The following DPP10 variants were observed in gnomAD, a reference collection of about 807,000 sequenced individuals.
DPP10 encodes the protein inactive dipeptidyl peptidase 10.
A neutral mutation model predicts 120.9 loss-of-function variants in DPP10; 33 were observed. The ratio of observed to expected loss-of-function variants is 0.27; its 90% CI spans 0.21 to 0.37. The LOEUF (loss-of-function observed/expected upper bound fraction) is 0.37, where lower values mean the gene tolerates loss of function less well. DPP10 is among the 10% of genes least tolerant of loss of function. The pLI is 1.00. For missense variants in DPP10, 816 were observed against 942.8 expected, an observed-to-expected ratio of 0.87 and a Z score of 1.76; for synonymous variants, 337 against 326.1, an observed-to-expected ratio of 1.03 and a Z score of -0.36.
At chr2:114,686,259 C>T in intron 1 of DPP10, among the ~76,000 whole-genome samples, 1 of 151,872 alleles carries the variant, frequency 6.6e-6, no homozygotes, top group African/African-American at 2.4e-5. Context: ...ATTTTTGTAT[C>T]TGTTTTTCAG....
intron 21 of DPP10, among the ~76,000 whole-genome samples, chr2:115,821,198 A>G (rs1455059817): frequency 2.6e-5 from 4 of 152,200 alleles, no homozygotes; most frequent in African/African-American, 9.6e-5. Context: ...AGGAAGGTGC[A>G]TTAAAGTATC....
chr2:115,437,100 G>A (rs142135545), intron 3 of DPP10, among the ~76,000 whole-genome samples: 2 of 152,026 alleles, frequency 1.3e-5, no homozygotes, highest in Non-Finnish European at 2.9e-5. Context: ...GCATTTTAGA[G>A]TCGTAAGAGA....
At chr2:115,279,489 A>C (rs1291123709) in intron 1 of DPP10, among the ~76,000 whole-genome samples, 1 of 152,038 alleles carries the variant, frequency 6.6e-6, no homozygotes, top group Non-Finnish European at 1.5e-5. Flanking sequence ...TCCAGAATGC[A>C]GTTCAGTTGA....
intron 1 of DPP10, among the ~76,000 whole-genome samples, chr2:115,172,817 A>T (rs762663470): frequency 4.6e-5 from 7 of 152,212 alleles, no homozygotes; most frequent in Non-Finnish European, 7.3e-5. Flanking sequence ...ACTATGTTGG[A>T]TGTTGAAGTT....
chr2:114,941,891 G>A (rs1439957390), intron 1 of DPP10, among the ~76,000 whole-genome samples: 1 of 152,028 alleles, frequency 6.6e-6, no homozygotes, highest in Non-Finnish European at 1.5e-5. Context: ...TATTCAGAAA[G>A]GCTTTGGGAA....
chr2:115,003,339 CAA>C (rs1054933626), intron 1 of DPP10, among the ~76,000 whole-genome samples: 18 of 151,790 alleles, frequency 1.2e-4, no homozygotes, highest in African/African-American at 4.1e-4. Context: ...AAGAGGGGAA[CAA>C]AAGAGTCTGG....
chr2:114,862,927 A>G (rs911059519), intron 1 of DPP10, among the ~76,000 whole-genome samples: 1 of 131,546 alleles, frequency 7.6e-6, no homozygotes, highest in Admixed American at 7.5e-5. Flanking sequence ...CTCTTCTTTT[A>G]TTTTATGGAT....
chr2:115,331,586 A>G (rs1359725446), intron 2 of DPP10, among the ~76,000 whole-genome samples: 1 of 152,104 alleles, frequency 6.6e-6, no homozygotes, highest in Non-Finnish European at 1.5e-5. Flanking sequence ...TATTATTTTG[A>G]GATATGTCCC....
At chr2:114,789,157 G>A (rs1237830040) in intron 1 of DPP10, among the ~76,000 whole-genome samples, 1 of 90,876 alleles carries the variant, frequency 1.1e-5, no homozygotes, top group Non-Finnish European at 2.3e-5. Flanking sequence ...TCTGGGTTAA[G>A]CGCCATCACT....
At chr2:114,619,702 G>A (rs1486273363) in intron 1 of DPP10, among the ~76,000 whole-genome samples, 2 of 151,902 alleles carry the variant, frequency 1.3e-5, no homozygotes, top group Non-Finnish European at 2.9e-5. Context: ...GCCAGGTAGG[G>A]CTCTATTCCA....
chr2:115,193,517 T>C (rs545289626), intron 1 of DPP10, among the ~76,000 whole-genome samples: 1 of 152,346 alleles, frequency 6.6e-6, no homozygotes, highest in South Asian at 2.1e-4. Context: ...CCATGGACAA[T>C]AGCTGTTCCT....
chr2:115,241,542 A>G (rs2058281554), intron 1 of DPP10, among the ~76,000 whole-genome samples: 1 of 152,130 alleles, frequency 6.6e-6, no homozygotes, highest in African/African-American at 2.4e-5. Flanking sequence ...ATTCACAATA[A>G]ATCAGTAATA....
At chr2:115,300,133 C>T (rs924437841) in intron 1 of DPP10, among the ~76,000 whole-genome samples, 6 of 151,960 alleles carry the variant, frequency 3.9e-5, no homozygotes, top group East Asian at 1.9e-4. Flanking sequence ...AGTACATTTG[C>T]GTTGCTGTGC....
At chr2:114,878,442 A>G (rs1393222380) in intron 1 of DPP10, among the ~76,000 whole-genome samples, 2 of 152,144 alleles carry the variant, frequency 1.3e-5, no homozygotes, top group East Asian at 3.9e-4. Context: ...AATTTCAAGT[A>G]GTCTCTTCTA....
At chr2:114,591,706 C>T (rs1039641715) in intron 1 of DPP10, among the ~76,000 whole-genome samples, 7 of 151,944 alleles carry the variant, frequency 4.6e-5, no homozygotes, top group Non-Finnish European at 8.8e-5. Flanking sequence ...AGGTGTGTGC[C>T]AACACGTCTG....
intron 5 of DPP10, among the ~76,000 whole-genome samples, chr2:115,537,211 T>C (rs939795047): frequency 6.6e-6 from 1 of 152,086 alleles, no homozygotes; most frequent in Non-Finnish European, 1.5e-5. Flanking sequence ...TATACTTGTA[T>C]TAAGATTATG....
At chr2:115,227,003 A>T (rs376117114) in intron 1 of DPP10, among the ~76,000 whole-genome samples, 1 of 152,162 alleles carries the variant, frequency 6.6e-6, no homozygotes, top group African/African-American at 2.4e-5. Flanking sequence ...CATCAAACAA[A>T]TCTCATTTTT....
chr2:114,623,610 G>T (rs1694267720), intron 1 of DPP10, among the ~76,000 whole-genome samples: 1 of 152,014 alleles, frequency 6.6e-6, no homozygotes, highest in South Asian at 2.1e-4. Context: ...TTTAAATTTT[G>T]TGTGAAAAGT....
intron 1 of DPP10, among the ~76,000 whole-genome samples, chr2:114,883,951 A>C (rs2106613442): frequency 6.6e-6 from 1 of 152,370 alleles, no homozygotes; most frequent in Middle Eastern, 3.4e-3. Flanking sequence ...TTCTGTGTAC[A>C]GAATGGTTGC....
Sources: gnomAD v4.1 joint callset for allele counts (sites outside exome capture counted in the v4.1 genomes callset) on GRCh38, gnomAD v4.1.1 for gene constraint, MANE v1.5 for transcripts, NCBI Gene and HGNC (gene_info 2026-07-23, HGNC 2026-07-21) for gene names.